TXNDC16: variants seen among roughly 807,000 people sequenced by gnomAD.
The protein encoded by TXNDC16 is thioredoxin domain containing 16.
Under a neutral mutation model 85.6 loss-of-function variants are expected in TXNDC16, and 74 were observed. The observed-to-expected ratio is 0.86, with a 90% CI of 0.72 to 1.05. The LOEUF (loss-of-function observed/expected upper bound fraction) is 1.05. TXNDC16 is among the 50% of genes least tolerant of loss of function. TXNDC16 has a pLI of 0.00. For synonymous variants in TXNDC16, 335 were observed against 326.5 expected (o/e 1.03, Z -0.28); for missense variants, 959 against 947.0 (o/e 1.01, Z -0.17).
intron 6 of TXNDC16, among the ~76,000 whole-genome samples, chr14:52,520,928 C>A (rs957378624): frequency 1.3e-5 from 2 of 151,952 alleles, no homozygotes; most frequent in African/African-American, 4.8e-5. Flanking sequence ...TTATTGAGGT[C>A]CTCAAGGAGC....
intron 9 of TXNDC16, among the ~76,000 whole-genome samples, chr14:52,495,668 T>C (rs1014055793): frequency 6.6e-6 from 1 of 152,158 alleles, no homozygotes; most frequent in Admixed American, 6.5e-5. Context: ...GTCTGCCCCC[T>C]GGCTAAAACA....
At chr14:52,447,610 A>T (rs560428706) in intron 18 of TXNDC16, among the ~76,000 whole-genome samples, 1 of 152,224 alleles carries the variant, frequency 6.6e-6, no homozygotes, top group East Asian at 1.9e-4. Flanking sequence ...AAGAGAAGAG[A>T]ACACCTTTAA....
At chr14:52,540,122 A>T (rs547376951) in intron 4 of TXNDC16, among the ~76,000 whole-genome samples, 1 of 152,348 alleles carries the variant, frequency 6.6e-6, no homozygotes, top group East Asian at 1.9e-4. Context: ...ATATAGCCCT[A>T]AATAGCATAC....
chr14:52,492,164 C>A (rs1346035643), intron 9 of TXNDC16, among the ~76,000 whole-genome samples: 1 of 152,152 alleles, frequency 6.6e-6, no homozygotes, highest in Non-Finnish European at 1.5e-5. Context: ...AGTGTGGACA[C>A]CATGCCGAAA....
In TXNDC16 at chr14:52,527,700, C is replaced by T. The variant is rs552926431; in HGVS notation, c.393-8407G>A. 6.6e-5 allele frequency among the ~76,000 whole-genome samples: 10 copies of T among 152,212 alleles called. 1 individual carries two copies. Among genetic ancestry groups the T allele is most frequent in the Non-Finnish European group, 1.0e-4 (7 of 68,010 alleles). On this transcript the variant is annotated intron_variant, in intron 6 of 20. Transcript: ENST00000281741. ...GAACTAGGTATGAGGATAGCGCTAC[C>T]GTGCTACTCTGGCTGCTGTTATTGC...
intron 6 of TXNDC16, among the ~76,000 whole-genome samples, chr14:52,532,141 A>G (rs1199753891): frequency 6.6e-6 from 1 of 151,638 alleles, no homozygotes; most frequent in Non-Finnish European, 1.5e-5. Context: ...TCAAAAGACA[A>G]ATGAAAAACT....
intron 9 of TXNDC16, among the ~76,000 whole-genome samples, chr14:52,494,197 A>G (rs1006234928): frequency 3.9e-5 from 6 of 152,182 alleles, no homozygotes. Flanking sequence ...TACTCTTAAT[A>G]CAGCCCCCAA....
At chr14:52,490,162 C>T (rs901440104) in intron 11 of TXNDC16, among the ~76,000 whole-genome samples, 6 of 152,080 alleles carry the variant, frequency 3.9e-5, no homozygotes, top group Non-Finnish European at 7.4e-5. Flanking sequence ...GAATATATAG[C>T]ATAATTCTGA....
intron 1 of TXNDC16, among the ~76,000 whole-genome samples, chr14:52,549,220 A>G (rs558358196): frequency 6.6e-6 from 1 of 152,338 alleles, no homozygotes; most frequent in South Asian, 2.1e-4. Flanking sequence ...CAGAGTTGAC[A>G]TATAAGATGT....
intron 1 of TXNDC16, among the ~76,000 whole-genome samples, chr14:52,550,943 T>A (rs1364520124): frequency 6.6e-6 from 1 of 152,200 alleles, no homozygotes; most frequent in East Asian, 1.9e-4. Flanking sequence ...ATGAACTTCT[T>A]AGGTTCCAAT....
At chr14:52,457,316 A>T in intron 16 of TXNDC16, 142 bp from the exon 17 acceptor site, 1 of 492,130 alleles carries the variant, frequency 2.0e-6, no homozygotes, top group South Asian at 3.5e-5. Context: ...TATATAATTT[A>T]GTGGTTCCAA....
chr14:52,438,807 T>G (rs1363908030), intron 20 of TXNDC16, among the ~76,000 whole-genome samples: 1 of 152,200 alleles, frequency 6.6e-6, no homozygotes, highest in African/African-American at 2.4e-5. Context: ...CAAGCTGGCA[T>G]GCACATGGAA....
intron 9 of TXNDC16, among the ~76,000 whole-genome samples, chr14:52,503,427 T>C (rs1476949065): frequency 1.3e-5 from 2 of 152,222 alleles, no homozygotes; most frequent in Admixed American, 6.5e-5. Context: ...ATATTCGCTG[T>C]TCTGCAGCCT....
At chr14:52,510,282 T>A (rs1418004439) in intron 9 of TXNDC16, among the ~76,000 whole-genome samples, 1 of 152,234 alleles carries the variant, frequency 6.6e-6, no homozygotes, top group African/African-American at 2.4e-5. Flanking sequence ...TAAAATATAA[T>A]GATTTTAATT....
Position 52,501,148 on chromosome 14 carries a change from C to T in TXNDC16, c.756+10092G>A, listed in dbSNP as rs12436705. ...TTGAAATTCACTTAAAAATTCTATACTCAAGATTTATTTTCAGTTTGACAT... is the reference window on the plus strand; with the variant it reads ...TTGAAATTCACTTAAAAATTCTATATTCAAGATTTATTTTCAGTTTGACAT... On this transcript the variant is annotated intron_variant, in intron 9 of 20. Transcript: ENST00000281741. Among the ~76,000 whole-genome samples the T allele has an allele frequency of 9.5e-3, 1,448 of 152,178 alleles. 12 individuals are homozygous for T. The highest frequency in any genetic ancestry group is 0.017 in the Middle Eastern group (5 of 294).
At chr14:52,505,504 T>C (rs927045329) in intron 9 of TXNDC16, among the ~76,000 whole-genome samples, 8 of 152,250 alleles carry the variant, frequency 5.3e-5, no homozygotes, top group African/African-American at 1.9e-4. Flanking sequence ...AATAAAGATG[T>C]CTTTGAAACC....
chr14:52,482,722 C>A, intron 13 of TXNDC16, 100 bp downstream of exon 13: 5 of 1,109,258 alleles, frequency 4.5e-6, no homozygotes, highest in Non-Finnish European at 6.2e-6. Context: ...CATACGAAAG[C>A]AATTTCATTT....
intron 16 of TXNDC16, among the ~76,000 whole-genome samples, chr14:52,466,730 G>T (rs1738874464): frequency 6.6e-6 from 1 of 151,918 alleles, no homozygotes; most frequent in African/African-American, 2.4e-5. Context: ...AGCGGGGCAT[G>T]GTGGCAGGCT....
intron 9 of TXNDC16, 147 bp from the exon 10 acceptor site, chr14:52,491,152 G>C (rs2036395579): frequency 1.1e-6 from 1 of 941,656 alleles, no homozygotes; most frequent in Non-Finnish European, 1.5e-6. Flanking sequence ...TTAATTCCCT[G>C]AATTTAATGC....
Sources: gnomAD v4.1 joint callset for allele counts (sites outside exome capture counted in the v4.1 genomes callset) on GRCh38, gnomAD v4.1.1 for gene constraint, MANE v1.5 for transcripts, NCBI Gene and HGNC (gene_info 2026-07-23, HGNC 2026-07-21) for gene names.